The following MAGI2 variants were observed in gnomAD, a reference collection of about 807,000 sequenced individuals.
MAGI2 encodes membrane-associated guanylate kinase, WW and PDZ domain-containing protein 2.
In MAGI2, 35 loss-of-function variants were observed where a neutral mutation model predicts 133.3. The observed-to-expected ratio is 0.26, with a 90% confidence interval of 0.20 to 0.35. The LOEUF is 0.35. MAGI2 is among the 10% of genes least tolerant of loss of function. MAGI2 has a pLI of 1.00. For missense variants in MAGI2, 1,636 were observed against 1,863.4 expected (o/e 0.88, Z 2.25); for synonymous variants, 729 against 710.6 (o/e 1.03, Z -0.41).
chr7:78,499,992 T>C, intron 5 of MAGI2, among the ~76,000 whole-genome samples: 1 of 152,256 alleles, frequency 6.6e-6, no homozygotes, highest in East Asian at 1.9e-4. Context: ...GATGCCTTGG[T>C]CATTGATTAC....
intron 2 of MAGI2, among the ~76,000 whole-genome samples, chr7:78,999,261 G>A (rs377246795): frequency 9.2e-5 from 14 of 151,806 alleles, no homozygotes; most frequent in African/African-American, 3.1e-4. Flanking sequence ...ATTTTATGTG[G>A]TTGCGAAGAT....
chr7:79,239,050 G>T (rs1411511715), intron 1 of MAGI2, among the ~76,000 whole-genome samples: 1 of 151,994 alleles, frequency 6.6e-6, no homozygotes, highest in Non-Finnish European at 1.5e-5. Context: ...GTTCTAAGTG[G>T]GAGATACAAA....
chr7:79,423,968 A>C (rs561843282), intron 1 of MAGI2, among the ~76,000 whole-genome samples: 5 of 152,248 alleles, frequency 3.3e-5, no homozygotes, highest in Admixed American at 1.3e-4. Context: ...ATGTTTATTT[A>C]ACTATGTATA....
intron 13 of MAGI2, 148 bp downstream of exon 13, chr7:78,185,481 C>T: frequency 2.1e-6 from 1 of 477,380 alleles, no homozygotes; most frequent in Non-Finnish European, 3.6e-6. Context: ...ATGAGACTTG[C>T]TGTCTACCTT....
chr7:78,052,846 ATT>A (rs59574747), intron 21 of MAGI2, among the ~76,000 whole-genome samples: 5 of 148,712 alleles, frequency 3.4e-5, no homozygotes, highest in Non-Finnish European at 7.5e-5. Context: ...AGCTTCAAGG[ATT>A]TTTTTTTTTG....
chr7:78,377,622 A>C (rs1359755982), intron 6 of MAGI2, among the ~76,000 whole-genome samples: 1 of 127,084 alleles, frequency 7.9e-6, no homozygotes, highest in Non-Finnish European at 1.6e-5. Context: ...TTCATAAGAC[A>C]CACCAACTAC....
intron 13 of MAGI2, among the ~76,000 whole-genome samples, chr7:78,183,748 G>A (rs911294546): frequency 1.3e-5 from 2 of 152,030 alleles, no homozygotes; most frequent in Admixed American, 6.6e-5. Context: ...TAAATTTTTT[G>A]TAGAGATGGA....
intron 1 of MAGI2, among the ~76,000 whole-genome samples, chr7:79,392,160 C>T (rs1170872985): frequency 6.6e-6 from 1 of 152,132 alleles, no homozygotes; most frequent in African/African-American, 2.4e-5. Context: ...CTTCCAGCTT[C>T]ATCCATGTCT....
At chr7:78,130,149 A>G (rs1042774425) in intron 18 of MAGI2, among the ~76,000 whole-genome samples, 2 of 152,130 alleles carry the variant, frequency 1.3e-5, no homozygotes, top group Non-Finnish European at 2.9e-5. Context: ...TTTTCAACAA[A>G]TGCTTCTCCT....
chr7:79,087,463 T>A, intron 1 of MAGI2, among the ~76,000 whole-genome samples: 1 of 152,124 alleles, frequency 6.6e-6, no homozygotes, highest in Admixed American at 6.6e-5. Flanking sequence ...TACATAAGTA[T>A]TTTATAATGA....
At position 79,015,581 on chromosome 7, in the gene MAGI2, T is replaced by A. The variant is rs996053219; in HGVS notation, c.302-8375A>T. 3.3e-5 allele frequency among the ~76,000 whole-genome samples: 5 copies of A among 152,206 alleles called. No homozygotes were observed. The East Asian group carries it at 5.8e-4, about 18-fold the overall frequency. On this transcript the variant is annotated intron_variant, in intron 1 of 21. Coordinates refer to ENST00000354212, the MANE Select transcript of MAGI2 (RefSeq NM_012301.4). ...ATAGCCTGCATAGTCTGTGTTGTGA[T>A]GGATCAGTACTAATGAAGTTATAAC... is the stretch of plus-strand genomic sequence containing the variant.
At chr7:78,612,860 C>T (rs552833424) in intron 3 of MAGI2, among the ~76,000 whole-genome samples, 297 of 151,908 alleles carry the variant, frequency 2.0e-3, no homozygotes, top group Non-Finnish European at 3.5e-3. Flanking sequence ...TTAGTAGAGA[C>T]GGGGTTTCAC....
chr7:79,270,156 A>C (rs919615259), intron 1 of MAGI2, among the ~76,000 whole-genome samples: 4 of 151,958 alleles, frequency 2.6e-5, no homozygotes, highest in African/African-American at 2.4e-5. Flanking sequence ...CATCTTTATG[A>C]TTTCATCTTC....
intron 13 of MAGI2, among the ~76,000 whole-genome samples, chr7:78,178,431 C>G (rs1346193883): frequency 2.0e-5 from 3 of 152,096 alleles, no homozygotes; most frequent in African/African-American, 4.8e-5. Flanking sequence ...CCTCAAGAAG[C>G]TAGACTGTCA....
At chr7:78,481,270 A>G (rs761726075) in intron 6 of MAGI2, among the ~76,000 whole-genome samples, 74 of 152,056 alleles carry the variant, frequency 4.9e-4, no homozygotes, top group Middle Eastern at 3.4e-3. Flanking sequence ...TAATCATGGC[A>G]GAAGGGGAAG....
intron 1 of MAGI2, among the ~76,000 whole-genome samples, chr7:79,322,583 T>C (rs1283636053): frequency 6.6e-6 from 1 of 151,854 alleles, no homozygotes; most frequent in Non-Finnish European, 1.5e-5. Context: ...GTCGGGAGTT[T>C]GAGACCAGCC....
chr7:78,201,764 T>A (rs1385276316), intron 10 of MAGI2, among the ~76,000 whole-genome samples: 1 of 152,190 alleles, frequency 6.6e-6, no homozygotes, highest in Non-Finnish European at 1.5e-5. Flanking sequence ...GCCCCGGTGC[T>A]AGCAGACATT....
chr7:79,192,466 A>T lies in MAGI2; in HGVS notation c.302-185260T>A, dbSNP rs9656230. ...TTTATAATATATTGAGGGTATATAT[A>T]AAAAAAACTACAAGAAGGGACTGGG... On this transcript the variant is annotated intron_variant, in intron 1 of 21. Coordinates refer to ENST00000354212, the MANE Select transcript of MAGI2 (RefSeq NM_012301.4). 5.8e-3 allele frequency among the ~76,000 whole-genome samples: 881 copies of T among 151,172 alleles called. 19 individuals are homozygous for T. The highest frequency in any genetic ancestry group is 0.02 in the African/African-American group (826 of 40,734).
chr7:78,081,360 G>A (rs996745325), intron 20 of MAGI2, among the ~76,000 whole-genome samples: 2 of 152,166 alleles, frequency 1.3e-5, no homozygotes, highest in Non-Finnish European at 2.9e-5. Context: ...TCATTTCTAT[G>A]TACAGTAAGT....
Sources: allele counts gnomAD v4.1 joint callset (sites outside exome capture counted in the v4.1 genomes callset), GRCh38; gene constraint gnomAD v4.1.1; transcripts MANE v1.5; gene names NCBI Gene and HGNC (gene_info 2026-07-23, HGNC 2026-07-21).